Variants in SCEL observed in about 807,000 individuals in gnomAD.
SCEL encodes sciellin.
A neutral mutation model predicts 117.6 loss-of-function variants in SCEL; 113 were observed. The observed-to-expected ratio is 0.96, with a 90% CI of 0.83 to 1.12. The LOEUF is 1.12. SCEL is among the 50% of genes most tolerant of loss of function. The probability of loss-of-function intolerance (pLI) is 0.00; values close to 1 mark genes in which losing one functional copy is unlikely to be tolerated. For missense variants in SCEL, 785 were observed against 810.8 expected (o/e 0.97, Z 0.39); for synonymous variants, 270 against 256.2 (o/e 1.05, Z -0.51).
chr13:77,640,802 T>G lies in SCEL; in HGVS notation c.1947+18T>G. The G allele has an allele frequency of 8.1e-7, 1 of 1,236,732 alleles. No homozygotes were observed. The highest frequency in any genetic ancestry group is 2.4e-5 in the East Asian group (1 of 42,404). The allele number at this position is 1,236,732 out of a possible 1,614,324, so 76.6% of individuals were successfully genotyped here. A position where few individuals can be genotyped will look rare whatever the true frequency, so the allele number is the denominator to read the frequency against. ...GCTTTAAGGTAAGGATGTGTTTATT[T>G]CACTTAATTAAATAAAAAATTGCAT... On this transcript the variant is annotated intron_variant, in intron 31 of 32. Transcript: ENST00000349847.
At chr13:77,559,190 C>G (rs529520039) in intron 3 of SCEL, among the ~76,000 whole-genome samples, 1 of 152,322 alleles carries the variant, frequency 6.6e-6, no homozygotes, top group South Asian at 2.1e-4. Flanking sequence ...GTTTTCTCAT[C>G]TGTGAACTGG....
intron 10 of SCEL, among the ~76,000 whole-genome samples, chr13:77,590,667 G>A (rs1426929643): frequency 6.6e-6 from 1 of 151,744 alleles, no homozygotes; most frequent in Non-Finnish European, 1.5e-5. Flanking sequence ...AATAAAATTG[G>A]GACAACTTGC....
Position 77,617,589 on chromosome 13 carries a change from C to T in SCEL, c.1452-10C>T. On this transcript the variant is annotated splice_polypyrimidine_tract_variant and intron_variant, in intron 24 of 32. Coordinates refer to ENST00000349847, the MANE Select transcript of SCEL (RefSeq NM_144777.3). The stretch of plus-strand genomic sequence containing the variant: ...AACCCAAGTTGCTTTAATATTTTTT[C>T]CACTTAAAGAAAACAAGATCTTGAT... The T allele has an allele frequency of 6.5e-7, 1 of 1,549,406 alleles. No homozygotes were observed. Among genetic ancestry groups the T allele is most frequent in the Non-Finnish European group, 8.8e-7 (1 of 1,134,640 alleles).
intron 24 of SCEL, among the ~76,000 whole-genome samples, chr13:77,616,004 C>CTGTGTGTG (rs1169054133): frequency 1.1e-3 from 122 of 114,232 alleles, no homozygotes; most frequent in African/African-American, 4.6e-3. Context: ...TTATGTCTCT[C>CTGTGTGTG]TGTGTGTGTG....
chr13:77,561,327 T>C (rs2084965425), intron 4 of SCEL, among the ~76,000 whole-genome samples: 1 of 152,262 alleles, frequency 6.6e-6, no homozygotes, highest in Non-Finnish European at 1.5e-5. Context: ...GCTTATTTCA[T>C]ATTTTAAATT....
At chr13:77,631,964 G>A (rs867379641) in intron 28 of SCEL, among the ~76,000 whole-genome samples, 1 of 152,184 alleles carries the variant, frequency 6.6e-6, no homozygotes, top group African/African-American at 2.4e-5. Flanking sequence ...TCTCTTACTG[G>A]CTTGCAGATG....
intron 3 of SCEL, among the ~76,000 whole-genome samples, 197 bp from the exon 4 acceptor site, chr13:77,559,607 C>G (rs1403211089): frequency 6.6e-6 from 1 of 152,212 alleles, no homozygotes; most frequent in Non-Finnish European, 1.5e-5. Context: ...TTTGTACTGA[C>G]AAACTTGTTT....
rs773664461 is a variant in SCEL at position 77,599,755 on chromosome 13, T to A, written c.917+7T>A. 2.1e-5 allele frequency: 34 copies of A among 1,594,742 alleles called. No individual in the cohort carries two copies. Among genetic ancestry groups the A allele is most frequent in the African/African-American group, 2.7e-5 (2 of 74,504 alleles). On this transcript the variant is annotated splice_region_variant and intron_variant, in intron 15 of 32. Coordinates refer to ENST00000349847, the MANE Select transcript of SCEL (RefSeq NM_144777.3). ...CAGATAAAGATGGCAAAGGGTAAGA[T>A]TTTATTAAGACAGACCATTTTGATT...
chr13:77,542,559 T>C (rs1378183556), intron 1 of SCEL, among the ~76,000 whole-genome samples: 2 of 152,240 alleles, frequency 1.3e-5, no homozygotes, highest in African/African-American at 2.4e-5. Context: ...AAGAAATAGC[T>C]GCTTTCTAAC....
At position 77,602,108 on chromosome 13, in the gene SCEL, G is replaced by T; in HGVS notation, c.961G>T (p.Asp321Tyr). 1.2e-6 allele frequency: 2 copies of T among 1,611,052 alleles called. No homozygotes were observed. The highest frequency in any genetic ancestry group is 2.2e-5 in the South Asian group (2 of 90,484). ...TCCGATTAAAGTTAATCAAAGGACT[G>T]ACAAAAATGAGAAAGGGTAAGTCAA... is the stretch of plus-strand genomic sequence containing the variant. ...GSPIKVNQRT[D>Y]KNEKGRQNLE... Residue 321 changes from aspartate to tyrosine, a missense_variant, in exon 16 of 33, where the codon GAC becomes TAC. By Grantham distance (160) the Asp-to-Tyr change is radical. Transcript: ENST00000349847.
chr13:77,561,066 G>T (rs1169854238), intron 4 of SCEL, among the ~76,000 whole-genome samples: 1 of 152,082 alleles, frequency 6.6e-6, no homozygotes, highest in Non-Finnish European at 1.5e-5. Flanking sequence ...TCTGTGATCT[G>T]GCAGACTCTC....
At chr13:77,563,037 T>C (rs1315509024) in intron 4 of SCEL, among the ~76,000 whole-genome samples, 2 of 152,220 alleles carry the variant, frequency 1.3e-5, no homozygotes, top group Non-Finnish European at 2.9e-5. Flanking sequence ...AAATGTTTGA[T>C]CAATCTGATC....
At chr13:77,586,316 T>C (rs2086562613) in intron 9 of SCEL, among the ~76,000 whole-genome samples, 1 of 152,154 alleles carries the variant, frequency 6.6e-6, no homozygotes, top group Non-Finnish European at 1.5e-5. Flanking sequence ...CCTACAAAAT[T>C]ACAAGACTTC....
At chr13:77,556,567 C>A in intron 2 of SCEL, 29 bp from the exon 3 acceptor site, 2 of 1,576,578 alleles carry the variant, frequency 1.3e-6, no homozygotes, top group Non-Finnish European at 1.7e-6. Flanking sequence ...ACTATTACAT[C>A]TTCCAGTCTT....
intron 22 of SCEL, among the ~76,000 whole-genome samples, chr13:77,611,808 A>G (rs2088655480): frequency 6.6e-6 from 1 of 152,180 alleles, no homozygotes; most frequent in Non-Finnish European, 1.5e-5. Flanking sequence ...CTGAGTTTCT[A>G]GAAAAATTAA....
intron 27 of SCEL, among the ~76,000 whole-genome samples, chr13:77,627,698 A>G (rs2089812531): frequency 6.6e-6 from 1 of 152,098 alleles, no homozygotes; most frequent in South Asian, 2.1e-4. Context: ...TTCTTTTCAG[A>G]TCAGATTTCC....
At chr13:77,537,888 A>G (rs1261391812) in intron 1 of SCEL, among the ~76,000 whole-genome samples, 2 of 152,046 alleles carry the variant, frequency 1.3e-5, no homozygotes, top group Non-Finnish European at 2.9e-5. Flanking sequence ...TCAGGCATCA[A>G]CTCCCAGCAT....
chr13:77,624,141 C>T, intron 27 of SCEL, among the ~76,000 whole-genome samples: 1 of 140,200 alleles, frequency 7.1e-6, no homozygotes, highest in Non-Finnish European at 1.5e-5. Flanking sequence ...GTCTCACCCT[C>T]TTGCCCAGGC....
At chr13:77,634,496 G>T in intron 29 of SCEL, 46 bp downstream of exon 29, 2 of 1,382,922 alleles carry the variant, frequency 1.4e-6, no homozygotes, top group South Asian at 1.2e-5. Context: ...TTATAATTTT[G>T]AAAGGATCTA....
Sources: gnomAD v4.1 joint callset for allele counts (sites outside exome capture counted in the v4.1 genomes callset) on GRCh38, gnomAD v4.1.1 for gene constraint, MANE v1.5 for transcripts, NCBI Gene and HGNC (gene_info 2026-07-23, HGNC 2026-07-21) for gene names.